The following NMT2 variants were observed in gnomAD, a reference collection of about 807,000 sequenced individuals.
NMT2 encodes the protein N-myristoyltransferase 2.
A neutral mutation model predicts 65.4 loss-of-function variants in NMT2; 35 were observed. The ratio of observed to expected loss-of-function variants is 0.54; its 90% CI spans 0.41 to 0.71. NMT2 has a LOEUF of 0.71. Among genes scored for constraint, NMT2 ranks in the 30% least tolerant of loss-of-function variants. NMT2 has a pLI of 0.00. For missense variants in NMT2, 489 were observed against 611.3 expected (o/e 0.80, Z 2.11); for synonymous variants, 226 against 231.8 (o/e 0.98, Z 0.23).
At chr10:15,144,572 A>G (rs952485583) in intron 1 of NMT2, among the ~76,000 whole-genome samples, 3 of 152,194 alleles carry the variant, frequency 2.0e-5, no homozygotes, top group Non-Finnish European at 4.4e-5. Flanking sequence ...TCTACTAAAA[A>G]TACAAAAAAT....
intron 10 of NMT2, among the ~76,000 whole-genome samples, chr10:15,110,880 T>A (rs967331146): frequency 6.6e-6 from 1 of 152,180 alleles, no homozygotes; most frequent in African/African-American, 2.4e-5. Context: ...AACCTCCACC[T>A]CCCAGATTTA....
intron 2 of NMT2, chr10:15,138,491 C>T (rs980411907): frequency 2.1e-6 from 1 of 470,958 alleles, no homozygotes; most frequent in Non-Finnish European, 4.4e-6. Context: ...ATCTACCCGA[C>T]ATTAACTTCC....
At chr10:15,144,644 T>A (rs2131586329) in intron 1 of NMT2, among the ~76,000 whole-genome samples, 1 of 151,744 alleles carries the variant, frequency 6.6e-6, no homozygotes, top group East Asian at 1.9e-4. Context: ...GGCAGGAGAA[T>A]GGCGTGAACC....
rs539792797 is a variant in NMT2, at chr10:15,135,314, G to C, written c.351C>G (p.His117Gln). 1 of 1,614,152 alleles carries C rather than the reference G, an allele frequency of 6.2e-7. No individual in the cohort carries two copies. Among genetic ancestry groups the C allele is most frequent in the African/African-American group, 1.3e-5 (1 of 75,030 alleles). Reference sequence around the variant, plus strand: ...GTTGTGTGTCCCAAAACTGGTATCTGTGCTTTGCAGCCTCATCAATGTTCC... The same window carrying C: ...GTTGTGTGTCCCAAAACTGGTATCTCTGCTTTGCAGCCTCATCAATGTTCC... The part of the protein sequence containing the change: ...PARNIDEAAK[H>Q]RYQFWDTQPV... The change falls in exon 3 of 12, where the codon CAC (histidine) becomes CAG (glutamine). Residue 117 changes from histidine (H) to glutamine (Q), a missense_variant. Transcript: ENST00000378165.
intron 1 of NMT2, among the ~76,000 whole-genome samples, chr10:15,159,388 T>A (rs1833108971): frequency 6.8e-6 from 1 of 147,448 alleles, no homozygotes; most frequent in African/African-American, 2.6e-5. Context: ...AAATAAAACC[T>A]CCTTAAAATA....
chr10:15,141,393 C>G (rs1452081557), intron 2 of NMT2, 29 bp downstream of exon 2: 1 of 1,612,918 alleles, frequency 6.2e-7, no homozygotes, highest in East Asian at 2.2e-5. Flanking sequence ...AGAAACCACA[C>G]AGAGGAAAAA....
intron 1 of NMT2, among the ~76,000 whole-genome samples, chr10:15,143,636 C>G (rs542510446): frequency 6.6e-6 from 1 of 152,202 alleles, no homozygotes; most frequent in Non-Finnish European, 1.5e-5. Context: ...GCGGGAAGAT[C>G]GCTTGAGCCT....
In NMT2 at chr10:15,107,052, GAGCTGTTGACTGTGC is replaced by G. The variant is rs1845328363; in HGVS notation, c.*2128_*2142del. On this transcript the variant is annotated 3_prime_UTR_variant, in exon 12 of 12. Coordinates refer to ENST00000378165, the MANE Select transcript of NMT2 (RefSeq NM_004808.3). ...TAACCCAGGAGTTTGGGGCTGCAGT[GAGCTGTTGACTGTGC>G]CACTGTATTCTAGCCTGGACAATAG... is the stretch of plus-strand genomic sequence containing the variant. 6.6e-6 allele frequency among the ~76,000 whole-genome samples: 1 copy of G among 150,946 alleles called. No individual in the cohort carries two copies. The highest frequency in any genetic ancestry group is 6.6e-5 in the Admixed American group (1 of 15,092).
chr10:15,126,776 T>G (rs1185981158), intron 8 of NMT2, among the ~76,000 whole-genome samples: 1 of 152,216 alleles, frequency 6.6e-6, no homozygotes, highest in Admixed American at 6.5e-5. Flanking sequence ...AGGACTCAGC[T>G]AAGCTGTGAC....
chr10:15,123,752 C>A (rs553058386), intron 8 of NMT2, among the ~76,000 whole-genome samples: 1 of 152,060 alleles, frequency 6.6e-6, no homozygotes, highest in South Asian at 2.1e-4. Context: ...GTTTCATAAG[C>A]AAACTCTGTA....
chr10:15,127,562 A>AT (rs1564568353), intron 8 of NMT2, among the ~76,000 whole-genome samples: 26 of 90,174 alleles, frequency 2.9e-4, no homozygotes, highest in African/African-American at 7.0e-4. Flanking sequence ...AAAAAAAAAA[A>AT]AAAAAAAATA....
At chr10:15,133,783 T>C (rs1846375031) in intron 3 of NMT2, among the ~76,000 whole-genome samples, 1 of 152,118 alleles carries the variant, frequency 6.6e-6, no homozygotes, top group Non-Finnish European at 1.5e-5. Context: ...AGACGGAGTC[T>C]CATTATGTTG....
At chr10:15,166,296 A>T (rs1191935576) in intron 1 of NMT2, among the ~76,000 whole-genome samples, 1 of 152,220 alleles carries the variant, frequency 6.6e-6, no homozygotes, top group East Asian at 1.9e-4. Context: ...GGTGGCCTCA[A>T]ATTGACAAAC....
At chr10:15,157,132 A>C (rs1335967556) in intron 1 of NMT2, among the ~76,000 whole-genome samples, 1 of 152,172 alleles carries the variant, frequency 6.6e-6, no homozygotes, top group Non-Finnish European at 1.5e-5. Context: ...GGAAGGTACT[A>C]TATGAGCTGG....
Position 15,107,698 on chromosome 10 carries a change from G to A in NMT2, c.*1497C>T, listed in dbSNP as rs767480645. On this transcript the variant is annotated 3_prime_UTR_variant, in exon 12 of 12. Transcript: ENST00000378165. ...TCGAACCCCTGACCTCAAATGTTTCGCCCGCCTTGGCCTCCCAAAGTGCTG... is the reference window on the plus strand; with the variant it reads ...TCGAACCCCTGACCTCAAATGTTTCACCCGCCTTGGCCTCCCAAAGTGCTG... 3.5e-4 allele frequency: 304 copies of A among 861,522 alleles called. No individual in the cohort carries two copies. Among genetic ancestry groups the A allele is most frequent in the South Asian group, 8.0e-4 (15 of 18,810 alleles). The allele number at this position is 861,522 out of a possible 1,614,324, so 53.4% of individuals were successfully genotyped here.
chr10:15,129,804 G>A (rs918634790), intron 7 of NMT2, among the ~76,000 whole-genome samples: 1 of 151,104 alleles, frequency 6.6e-6, no homozygotes, highest in Admixed American at 6.6e-5. Flanking sequence ...AGCTACTCGG[G>A]AAGCTGAGGC....
At chr10:15,136,865 A>C (rs2131560888) in intron 2 of NMT2, among the ~76,000 whole-genome samples, 1 of 151,620 alleles carries the variant, frequency 6.6e-6, no homozygotes, top group South Asian at 2.1e-4. Context: ...TAACGTAATA[A>C]TACATGGAAC....
intron 1 of NMT2, among the ~76,000 whole-genome samples, chr10:15,153,790 C>A (rs1564588137): frequency 6.6e-6 from 1 of 152,162 alleles, no homozygotes; most frequent in Admixed American, 6.5e-5. Context: ...GCTGGGACTA[C>A]AGGTGCCCGC....
At chr10:15,159,160 G>A (rs1181104250) in intron 1 of NMT2, among the ~76,000 whole-genome samples, 1 of 152,156 alleles carries the variant, frequency 6.6e-6, no homozygotes, top group African/African-American at 2.4e-5. Context: ...ACTGGATCAT[G>A]CCTGGATAAT....
Sources: gnomAD v4.1 joint callset for allele counts (sites outside exome capture counted in the v4.1 genomes callset) on GRCh38, gnomAD v4.1.1 for gene constraint, MANE v1.5 for transcripts, NCBI Gene and HGNC (gene_info 2026-07-23, HGNC 2026-07-21) for gene names.